Variants in LINGO2 observed in about 807,000 individuals in gnomAD.
The protein encoded by LINGO2 is leucine-rich repeat and immunoglobulin-like domain-containing nogo receptor-interacting protein 2.
In LINGO2, 14 loss-of-function variants were observed where a neutral mutation model predicts 30.6. That is an observed-to-expected ratio of 0.46 (90% CI 0.30 to 0.72). The LOEUF (loss-of-function observed/expected upper bound fraction) is 0.72. LINGO2 is among the 30% of genes least tolerant of loss of function. The probability of loss-of-function intolerance (pLI) is 0.07; values close to 1 mark genes in which losing one functional copy is unlikely to be tolerated. For missense variants in LINGO2, 729 were observed against 751.7 expected (o/e 0.97, Z 0.35); for synonymous variants, 317 against 288.5 (o/e 1.10, Z -1.00).
the LINGO2 span, among the ~76,000 whole-genome samples, chr9:28,719,900 C>T: frequency 6.6e-6 from 1 of 152,006 alleles, no homozygotes; most frequent in Non-Finnish European, 1.5e-5. Context: ...ATTGCATGAA[C>T]TCAAATTAAT....
chr9:28,646,515 G>A (rs2135954769), intron 1 of LINGO2, among the ~76,000 whole-genome samples: 1 of 152,122 alleles, frequency 6.6e-6, no homozygotes, highest in South Asian at 2.1e-4. Context: ...TTGTAGTCTG[G>A]TAAGAACAGT....
chr9:28,576,405 C>T (rs1455521429), intron 1 of LINGO2, among the ~76,000 whole-genome samples: 2 of 151,796 alleles, frequency 1.3e-5, no homozygotes, highest in Admixed American at 6.6e-5. Context: ...CCAAGGATTG[C>T]GTGTGTGTGT....
At chr9:28,883,630 A>ATGTATATATATATG in the LINGO2 span, among the ~76,000 whole-genome samples, 1 of 23,498 alleles carries the variant, frequency 4.3e-5, no homozygotes, top group Non-Finnish European at 1.1e-4. Context: ...GTGTGTGTGT[A>ATGTATATATATATG]TATATATATA....
At chr9:28,819,259 A>AC in the LINGO2 span, among the ~76,000 whole-genome samples, 1 of 152,102 alleles carries the variant, frequency 6.6e-6, no homozygotes, top group Non-Finnish European at 1.5e-5. Context: ...TTCCTGTTAT[A>AC]CCCTTTCATC....
intron 2 of LINGO2, among the ~76,000 whole-genome samples, chr9:28,430,207 TAGA>T (rs1823605598): frequency 6.6e-6 from 1 of 152,146 alleles, no homozygotes; most frequent in African/African-American, 2.4e-5. Context: ...GAGCATAGTG[TAGA>T]AGAAGATTCT....
At chr9:28,971,784 A>T in the LINGO2 span, among the ~76,000 whole-genome samples, 1 of 152,230 alleles carries the variant, frequency 6.6e-6, no homozygotes, top group African/African-American at 2.4e-5. Flanking sequence ...GTAGAGCTCC[A>T]GGACCTTGAG....
chr9:28,314,027 G>A (rs1296290711), intron 3 of LINGO2, among the ~76,000 whole-genome samples: 2 of 151,948 alleles, frequency 1.3e-5, no homozygotes, highest in Non-Finnish European at 2.9e-5. Flanking sequence ...TCCACCCCGC[G>A]GGGTTCCCGC....
the LINGO2 span, among the ~76,000 whole-genome samples, chr9:28,960,331 C>G: frequency 1.3e-5 from 2 of 151,910 alleles, no homozygotes; most frequent in African/African-American, 4.8e-5. Flanking sequence ...AAGATTCTGT[C>G]TCTACAAAAC....
chr9:28,921,559 G>A, the LINGO2 span, among the ~76,000 whole-genome samples: 3 of 152,306 alleles, frequency 2.0e-5, no homozygotes, highest in South Asian at 6.2e-4. Context: ...TATCTTGGTA[G>A]CTCGAGCAGT....
intron 2 of LINGO2, among the ~76,000 whole-genome samples, chr9:28,438,132 T>C (rs1824026024): frequency 1.3e-5 from 2 of 152,134 alleles, no homozygotes; most frequent in Admixed American, 1.3e-4. Context: ...TCTATGGCTA[T>C]TGAAAAAAAT....
intron 2 of LINGO2, among the ~76,000 whole-genome samples, chr9:28,450,125 A>G (rs2135065859): frequency 6.6e-6 from 1 of 152,104 alleles, no homozygotes; most frequent in South Asian, 2.1e-4. Flanking sequence ...GAACTTGTAT[A>G]CACTTTGAAC....
At chr9:28,468,850 G>A (rs1825412522) in intron 2 of LINGO2, among the ~76,000 whole-genome samples, 1 of 152,316 alleles carries the variant, frequency 6.6e-6, no homozygotes, top group South Asian at 2.1e-4. Context: ...ACTGAGGGAT[G>A]TGGCCTCTTT....
At chr9:28,390,291 A>T (rs1398175679) in intron 2 of LINGO2, among the ~76,000 whole-genome samples, 1 of 152,220 alleles carries the variant, frequency 6.6e-6, no homozygotes, top group Non-Finnish European at 1.5e-5. Flanking sequence ...CAGCACAAAC[A>T]TGTTTAGAGT....
At chr9:29,054,553 T>C in the LINGO2 span, among the ~76,000 whole-genome samples, 1 of 152,196 alleles carries the variant, frequency 6.6e-6, no homozygotes, top group East Asian at 1.9e-4. Context: ...TTTGCCATAG[T>C]ATCAAGAGAA....
the LINGO2 span, among the ~76,000 whole-genome samples, chr9:28,793,187 G>A: frequency 4.6e-5 from 7 of 152,058 alleles, no homozygotes; most frequent in Non-Finnish European, 8.8e-5. Context: ...ACAAACATGA[G>A]TATTACTGAT....
At chr9:28,743,348 C>A in the LINGO2 span, among the ~76,000 whole-genome samples, 1 of 151,838 alleles carries the variant, frequency 6.6e-6, no homozygotes, top group African/African-American at 2.4e-5. Context: ...CCCCATCCCC[C>A]GACAGGCCCC....
At chr9:28,026,654 A>T (rs886516523) in intron 4 of LINGO2, among the ~76,000 whole-genome samples, 2 of 152,188 alleles carry the variant, frequency 1.3e-5, no homozygotes, top group African/African-American at 2.4e-5. Flanking sequence ...TATATTTTCA[A>T]GTCAGTCAAT....
At position 28,130,968 on chromosome 9, in the gene LINGO2, C is replaced by T. The variant is rs1827362597; in HGVS notation, c.-86-118563G>A. 6.6e-6 allele frequency among the ~76,000 whole-genome samples: 1 copy of T among 152,022 alleles called. No homozygotes were observed. Among genetic ancestry groups the T allele is most frequent in the Non-Finnish European group, 1.5e-5 (1 of 67,968 alleles). On this transcript the variant is annotated intron_variant, in intron 4 of 5. Transcript: ENST00000379992. This position sits in a 1 kb window ranked among gnomAD's most constrained non-coding sequence, Gnocchi z 5.2. Reference sequence around the variant, plus strand: ...ACAAACTGGAAAACTTTGGATTTCCCAACAATGTATACGCCTTCCCATCTC... The same window carrying T: ...ACAAACTGGAAAACTTTGGATTTCCTAACAATGTATACGCCTTCCCATCTC...
At chr9:29,009,789 G>A in the LINGO2 span, among the ~76,000 whole-genome samples, 5 of 152,106 alleles carry the variant, frequency 3.3e-5, no homozygotes, top group African/African-American at 7.2e-5. Context: ...ATACTACAAG[G>A]CTACAGTAAT....
Sources: allele counts gnomAD v4.1 joint callset (sites outside exome capture counted in the v4.1 genomes callset), GRCh38; gene constraint gnomAD v4.1.1; non-coding constraint Gnocchi (gnomAD v3.1); transcripts MANE v1.5; gene names NCBI Gene and HGNC (gene_info 2026-07-23, HGNC 2026-07-21).